SMYD3: variants seen among roughly 807,000 people sequenced by gnomAD.
The protein encoded by SMYD3 is histone-lysine N-methyltransferase SMYD3.
Under a neutral mutation model 57.7 loss-of-function variants are expected in SMYD3, and 36 were observed. The ratio of observed to expected loss-of-function variants is 0.62; its 90% CI spans 0.48 to 0.82. The LOEUF is 0.82. SMYD3 is among the 40% of genes least tolerant of loss of function. The probability of loss-of-function intolerance (pLI) is 0.00; values close to 1 mark genes in which losing one functional copy is unlikely to be tolerated. For missense variants in SMYD3, 515 were observed against 538.8 expected, an observed-to-expected ratio of 0.96 and a Z score of 0.44; for synonymous variants, 211 against 195.0, an observed-to-expected ratio of 1.08 and a Z score of -0.68.
Position 246,002,436 on chromosome 1 carries a change from G to A in SMYD3, c.532-72499C>T, listed in dbSNP as rs75084658. ...CCTGACCTCGTGATCCACCCGCCTC[G>A]GCCTCCCAAAGTGCTGGGATTACAG... On this transcript the variant is annotated intron_variant, in intron 5 of 11. Coordinates refer to ENST00000490107, the MANE Select transcript of SMYD3 (RefSeq NM_001167740.2). 9.6e-5 allele frequency among the ~76,000 whole-genome samples: 4 copies of A among 41,660 alleles called. No individual in the cohort carries two copies. The East Asian group carries it at 2.3e-3, about 24-fold the overall frequency. The allele number at this position is 41,660 out of a possible 152,430, so 27.3% of individuals were successfully genotyped here.
rs753112522 is a variant in SMYD3 at position 245,928,046 on chromosome 1, A to AG, written c.600-14dup. 17 of 1,599,008 alleles carry AG rather than the reference A, an allele frequency of 1.1e-5. No individual in the cohort carries two copies. The highest frequency in any genetic ancestry group is 1.7e-4 in the Middle Eastern group (1 of 6,036). On this transcript the variant is annotated splice_polypyrimidine_tract_variant and intron_variant, in intron 6 of 11. Transcript: ENST00000490107. The stretch of plus-strand genomic sequence containing the variant: ...GAGCAAAGAGATACTGGAAAAAAAA[A>AG]GGGGGGAAGACTGTCACAGCTCAGC...
intron 5 of SMYD3, among the ~76,000 whole-genome samples, chr1:246,107,100 C>CCACCCTGGCTAA: frequency 7.1e-6 from 1 of 139,960 alleles, no homozygotes; most frequent in South Asian, 2.6e-4. Flanking sequence ...GAGATCGAGA[C>CCACCCTGGCTAA]CACGGTGAAA....
chr1:245,837,484 T>G (rs1180971752), intron 10 of SMYD3, among the ~76,000 whole-genome samples: 1 of 151,942 alleles, frequency 6.6e-6, no homozygotes, highest in Non-Finnish European at 1.5e-5. Flanking sequence ...CAGCACCAGG[T>G]CTGGGTGATT....
chr1:246,211,282 T>C (rs1468434936), intron 5 of SMYD3, among the ~76,000 whole-genome samples: 1 of 152,158 alleles, frequency 6.6e-6, no homozygotes, highest in Non-Finnish European at 1.5e-5. Flanking sequence ...TTAGCATTGA[T>C]TTCTGCTACC....
At chr1:246,354,657 T>A (rs986796217) in intron 2 of SMYD3, among the ~76,000 whole-genome samples, 1 of 152,150 alleles carries the variant, frequency 6.6e-6, no homozygotes, top group Non-Finnish European at 1.5e-5. Flanking sequence ...TATCTTTTTT[T>A]TTTTAAACAT....
intron 11 of SMYD3, among the ~76,000 whole-genome samples, chr1:245,757,978 T>C (rs1465497702): frequency 6.6e-6 from 1 of 152,170 alleles, no homozygotes; most frequent in Non-Finnish European, 1.5e-5. Flanking sequence ...CATTGGGATT[T>C]TGATAGAGAT....
chr1:246,504,326 A>C lies in SMYD3; in HGVS notation c.164+2728T>G, dbSNP rs538703057. ...ATCCTCACACAAACCCAGACTGTACATACAGCCTGCTACACACCTAGGCTA... is the reference window on the plus strand; with the variant it reads ...ATCCTCACACAAACCCAGACTGTACCTACAGCCTGCTACACACCTAGGCTA... On this transcript the variant is annotated intron_variant, in intron 1 of 11. Transcript: ENST00000490107. Among the ~76,000 whole-genome samples, 18 of 152,334 alleles carry C rather than the reference A, an allele frequency of 1.2e-4. 1 individual carries two copies. The South Asian group carries it at 3.1e-3, about 26-fold the overall frequency.
chr1:246,117,445 G>T (rs11587533), intron 5 of SMYD3, among the ~76,000 whole-genome samples: 71,253 of 151,612 alleles, frequency 0.47, 20,635 homozygotes, highest in Non-Finnish European at 0.66. Context: ...AGGTTTCGCA[G>T]AATAAACAAA....
intron 11 of SMYD3, among the ~76,000 whole-genome samples, chr1:245,751,592 G>A (rs9662536): frequency 6.2e-4 from 48 of 77,106 alleles, no homozygotes; most frequent in Middle Eastern, 6.0e-3. Context: ...GAGAGAGAGA[G>A]AAAGAGAGAG....
At chr1:246,356,452 G>A (rs773485492) in intron 1 of SMYD3, among the ~76,000 whole-genome samples, 7 of 152,032 alleles carry the variant, frequency 4.6e-5, no homozygotes, top group Admixed American at 3.9e-4. Context: ...TAAAATATCC[G>A]GATTGCAAGA....
intron 5 of SMYD3, among the ~76,000 whole-genome samples, chr1:246,248,456 C>T (rs1340096575): frequency 6.6e-6 from 1 of 151,964 alleles, no homozygotes; most frequent in Non-Finnish European, 1.5e-5. Flanking sequence ...TTGGGCAGGT[C>T]GTTTGTTCCC....
chr1:246,501,533 C>T (rs2068454807), intron 1 of SMYD3, among the ~76,000 whole-genome samples: 2 of 152,190 alleles, frequency 1.3e-5, no homozygotes, highest in South Asian at 4.1e-4. Context: ...CTCACCATTT[C>T]TCTGACCACA....
At chr1:245,938,566 G>A (rs74478337) in intron 5 of SMYD3, among the ~76,000 whole-genome samples, 11,808 of 152,264 alleles carry the variant, frequency 0.078, 529 homozygotes, top group Middle Eastern at 0.13. Context: ...AGAAATAAAA[G>A]AGGAAATTTA....
At chr1:246,261,896 C>T (rs796202544) in intron 5 of SMYD3, among the ~76,000 whole-genome samples, 6 of 152,064 alleles carry the variant, frequency 3.9e-5, no homozygotes, top group South Asian at 4.2e-4. Flanking sequence ...ATTCTTAAAT[C>T]GGAGAAAAAA....
chr1:245,848,140 C>T (rs1419793002), intron 10 of SMYD3, among the ~76,000 whole-genome samples: 2 of 149,912 alleles, frequency 1.3e-5, no homozygotes, highest in Non-Finnish European at 3.0e-5. Flanking sequence ...CATGCTGTTG[C>T]CCAAGCTGGA....
intron 2 of SMYD3, among the ~76,000 whole-genome samples, chr1:246,336,475 A>C (rs2065546812): frequency 6.6e-6 from 1 of 152,220 alleles, no homozygotes; most frequent in South Asian, 2.1e-4. Flanking sequence ...TGCTGTTCAT[A>C]ATTTTTGTTT....
At chr1:245,752,687 G>A (rs148404213) in intron 11 of SMYD3, among the ~76,000 whole-genome samples, 74 of 152,244 alleles carry the variant, frequency 4.9e-4, no homozygotes, top group African/African-American at 1.2e-3. Flanking sequence ...CCCACAGTAC[G>A]GTAACTACTT....
At position 245,783,039 on chromosome 1, in the gene SMYD3, T is replaced by C. The variant is rs564269862; in HGVS notation, c.1077-18890A>G. ...CTTCTACAGCAGACATACGCAGTCA[T>C]TTTGGTCCCTCTCTCCTCAGCCAAT... is the stretch of plus-strand genomic sequence containing the variant. On this transcript the variant is annotated intron_variant, in intron 10 of 11. Transcript: ENST00000490107. 1.6e-3 allele frequency among the ~76,000 whole-genome samples: 244 copies of C among 152,312 alleles called. 1 individual carries two copies. The highest frequency in any genetic ancestry group is 3.1e-3 in the Admixed American group (47 of 15,298).
chr1:246,369,492 C>G (rs369809609), intron 1 of SMYD3, among the ~76,000 whole-genome samples: 8 of 152,254 alleles, frequency 5.3e-5, no homozygotes, highest in African/African-American at 1.9e-4. Flanking sequence ...ATTGTACAGA[C>G]TCATAGGAAA....
Sources: allele counts gnomAD v4.1 joint callset (sites outside exome capture counted in the v4.1 genomes callset), GRCh38; gene constraint gnomAD v4.1.1; transcripts MANE v1.5; gene names NCBI Gene and HGNC (gene_info 2026-07-23, HGNC 2026-07-21).